CDKN2B-AS1: variants seen among roughly 807,000 people sequenced by gnomAD.
CDKN2B-AS1 encodes CDKN2B and CDKN2A antisense cis and trans regulatory RNA 1, also known as CDKN2B antisense RNA 1 (non-protein coding).
chr9:22,011,910 G>T (rs1269700238), intron 1 of CDKN2B-AS1, among the ~76,000 whole-genome samples: 1 of 152,206 alleles, frequency 6.6e-6, no homozygotes, highest in Non-Finnish European at 1.5e-5. Flanking sequence ...TTTTAATAAG[G>T]TGGAGAATTT....
intron 4 of CDKN2B-AS1, among the ~76,000 whole-genome samples, chr9:22,114,356 T>C (rs779115953): frequency 5.9e-5 from 9 of 152,212 alleles, no homozygotes; most frequent in Non-Finnish European, 1.3e-4. Flanking sequence ...ACTGTGTTAG[T>C]TCAGGTCCTC....
At chr9:22,045,931 T>C (rs1029033128) in intron 1 of CDKN2B-AS1, among the ~76,000 whole-genome samples, 9 of 152,132 alleles carry the variant, frequency 5.9e-5, no homozygotes, top group African/African-American at 2.2e-4. Flanking sequence ...ACTACACAAA[T>C]TGGACCTAAA....
At chr9:22,026,575 T>G (rs1249672004) in intron 1 of CDKN2B-AS1, among the ~76,000 whole-genome samples, 5 of 152,184 alleles carry the variant, frequency 3.3e-5, no homozygotes, top group Non-Finnish European at 5.9e-5. Context: ...TCCAAGCCAG[T>G]GGGTCTTATC....
chr9:22,059,998 A>G (rs543440073), intron 4 of CDKN2B-AS1, among the ~76,000 whole-genome samples: 5 of 152,262 alleles, frequency 3.3e-5, no homozygotes, highest in South Asian at 2.1e-4. Context: ...GGTCCAGTCC[A>G]TGAAACCACT....
intron 1 of CDKN2B-AS1, among the ~76,000 whole-genome samples, chr9:22,013,348 T>A (rs1821596041): frequency 6.6e-6 from 1 of 152,250 alleles, no homozygotes; most frequent in South Asian, 2.1e-4. Context: ...CATTTCTTTT[T>A]AAACTGTTAT....
intron 4 of CDKN2B-AS1, among the ~76,000 whole-genome samples, chr9:22,122,719 A>C (rs1177201695): frequency 6.6e-6 from 1 of 151,940 alleles, no homozygotes; most frequent in Non-Finnish European, 1.5e-5. Context: ...TATGTGGATT[A>C]ATTTCTGGGT....
intron 1 of CDKN2B-AS1, among the ~76,000 whole-genome samples, chr9:22,022,813 C>T (rs1009204803): frequency 2.6e-5 from 4 of 152,168 alleles, no homozygotes; most frequent in African/African-American, 9.7e-5. Flanking sequence ...TCTTGTAAGG[C>T]AGGTCTGGTG....
intron 4 of CDKN2B-AS1, among the ~76,000 whole-genome samples, chr9:22,078,700 T>A (rs1824584802): frequency 6.6e-6 from 1 of 152,208 alleles, no homozygotes. Flanking sequence ...AGCAACAAAT[T>A]CTTAGAGTGT....
chr9:22,083,217 A>G (rs1407596223), intron 4 of CDKN2B-AS1, among the ~76,000 whole-genome samples: 1 of 152,214 alleles, frequency 6.6e-6, no homozygotes, highest in African/African-American at 2.4e-5. Flanking sequence ...GCTCAAGGCT[A>G]TAGACCTGGT....
chr9:22,001,732 G>C lies in CDKN2B-AS1; in HGVS notation n.29+6571G>C, dbSNP rs907264158. Among the ~76,000 whole-genome samples, 4 of 152,210 alleles carry C rather than the reference G, an allele frequency of 2.6e-5. No homozygotes were observed. Among genetic ancestry groups the C allele is most frequent in the African/African-American group, 9.6e-5 (4 of 41,548 alleles). The stretch of plus-strand genomic sequence containing the variant: ...ATCTTCTGAGTAGGGAATTTAAGAG[G>C]CAAGAAAGGAGTAATTTCATTTGGA... On this transcript the variant is annotated intron_variant and non_coding_transcript_variant, in intron 1 of 4. Transcript: ENST00000650946. The surrounding 1 kb of genome is among the most constrained non-coding windows in gnomAD (Gnocchi z 4.2).
At chr9:22,105,881 T>C (rs1469603891) in intron 4 of CDKN2B-AS1, among the ~76,000 whole-genome samples, 1 of 152,234 alleles carries the variant, frequency 6.6e-6, no homozygotes. Context: ...ACTAACTGGG[T>C]TACTTTGGTT....
chr9:22,009,139 G>A lies in CDKN2B-AS1; in HGVS notation n.29+13978G>A, dbSNP rs945213700. 3.9e-6 allele frequency: 3 copies of A among 770,676 alleles called. No homozygotes were observed. The Admixed American group carries it at 7.6e-5, about 20-fold the overall frequency. The allele number at this position is 770,676 out of a possible 1,614,324, so 47.7% of individuals were successfully genotyped here. On this transcript the variant is annotated intron_variant and non_coding_transcript_variant, in intron 1 of 4. Coordinates refer to ENST00000650946, the Ensembl canonical transcript of CDKN2B-AS1. ...GGCCCCGTGCAGTGGCCGAGCGGCCGGTCGTTAGCTCCGGGCTTTTCCTGG... is the reference window on the plus strand; with the variant it reads ...GGCCCCGTGCAGTGGCCGAGCGGCCAGTCGTTAGCTCCGGGCTTTTCCTGG...
intron 4 of CDKN2B-AS1, among the ~76,000 whole-genome samples, chr9:22,090,402 C>A (rs1486256359): frequency 6.6e-6 from 1 of 152,222 alleles, no homozygotes; most frequent in African/African-American, 2.4e-5. Flanking sequence ...GGAATCGACA[C>A]ACTGACTTCC....
intron 4 of CDKN2B-AS1, among the ~76,000 whole-genome samples, chr9:22,063,712 C>A (rs2131302693): frequency 6.6e-6 from 1 of 152,248 alleles, no homozygotes; most frequent in South Asian, 2.1e-4. Context: ...ACTCTTTCTT[C>A]AACTTCAACT....
At chr9:22,026,836 C>A (rs1414193885) in intron 1 of CDKN2B-AS1, among the ~76,000 whole-genome samples, 2 of 152,072 alleles carry the variant, frequency 1.3e-5, no homozygotes, top group Non-Finnish European at 2.9e-5. Context: ...GTGTGAAGGG[C>A]CTAATGGAGT....
chr9:22,115,521 G>A (rs1272422815), intron 4 of CDKN2B-AS1, among the ~76,000 whole-genome samples: 1 of 152,158 alleles, frequency 6.6e-6, no homozygotes, highest in Non-Finnish European at 1.5e-5. Context: ...AAGCAATGTG[G>A]AAAGATAGAC....
chr9:22,089,897 T>C (rs1441214946), intron 4 of CDKN2B-AS1, among the ~76,000 whole-genome samples: 1 of 152,188 alleles, frequency 6.6e-6, no homozygotes, highest in African/African-American at 2.4e-5. Context: ...TACCTATGTA[T>C]ACATGTGCCA....
intron 4 of CDKN2B-AS1, among the ~76,000 whole-genome samples, chr9:22,082,240 G>C (rs942887289): frequency 1.3e-5 from 2 of 152,142 alleles, no homozygotes; most frequent in Non-Finnish European, 2.9e-5. Context: ...TAGTTATAGC[G>C]GGTCTTGAAA....
At chr9:22,021,870 G>C (rs1822032370) in intron 1 of CDKN2B-AS1, among the ~76,000 whole-genome samples, 1 of 152,120 alleles carries the variant, frequency 6.6e-6, no homozygotes, top group African/African-American at 2.4e-5. Flanking sequence ...GCAAGCATTA[G>C]TTTCAAAGAA....
Sources: gnomAD v4.1 joint callset for allele counts (sites outside exome capture counted in the v4.1 genomes callset) on GRCh38, gnomAD v4.1.1 for gene constraint, Gnocchi (gnomAD v3.1) non-coding constraint, MANE v1.5 for transcripts, NCBI Gene and HGNC (gene_info 2026-07-23, HGNC 2026-07-21) for gene names.